The following MAGI2 variants were observed in gnomAD, a reference collection of about 807,000 sequenced individuals.
MAGI2 encodes the protein membrane associated guanylate kinase, WW and PDZ domain containing 2.
In MAGI2, 35 loss-of-function variants were observed where a neutral mutation model predicts 133.3. The observed-to-expected ratio is 0.26, with a 90% CI of 0.20 to 0.35. The LOEUF (loss-of-function observed/expected upper bound fraction) is 0.35. Among genes scored for constraint, MAGI2 ranks in the 10% least tolerant of loss-of-function variants. The pLI, the probability that MAGI2 is intolerant of heterozygous loss-of-function variation, is 1.00. For missense variants in MAGI2, 1,636 were observed against 1,863.4 expected (o/e 0.88, Z 2.25); for synonymous variants, 729 against 710.6 (o/e 1.03, Z -0.41).
chr7:79,045,131 C>T (rs941379438), intron 1 of MAGI2, among the ~76,000 whole-genome samples: 1 of 152,086 alleles, frequency 6.6e-6, no homozygotes, highest in African/African-American at 2.4e-5. Flanking sequence ...AAACTATACT[C>T]AAGAAGTATC....
chr7:78,847,400 G>C (rs996634436), intron 2 of MAGI2, among the ~76,000 whole-genome samples: 8 of 151,970 alleles, frequency 5.3e-5, no homozygotes, highest in African/African-American at 1.9e-4. Flanking sequence ...AGAAGAGGAA[G>C]AGACTATTAG....
At chr7:79,194,324 C>A (rs748703978) in intron 1 of MAGI2, among the ~76,000 whole-genome samples, 3 of 151,880 alleles carry the variant, frequency 2.0e-5, no homozygotes, top group Non-Finnish European at 2.9e-5. Context: ...GCCTAGTGTT[C>A]TACTAGAAAA....
intron 1 of MAGI2, among the ~76,000 whole-genome samples, chr7:79,085,471 C>A (rs977357238): frequency 7.9e-5 from 12 of 151,708 alleles, no homozygotes; most frequent in Non-Finnish European, 1.8e-4. Context: ...TCTAGTAAGT[C>A]CAATATCTGT....
At chr7:78,527,006 C>CAAAA (rs55707442) in intron 3 of MAGI2, among the ~76,000 whole-genome samples, 5 of 45,414 alleles carry the variant, frequency 1.1e-4, no homozygotes, top group Non-Finnish European at 1.8e-4. Context: ...GACTCCATCT[C>CAAAA]AAAAAAAAAA....
intron 1 of MAGI2, among the ~76,000 whole-genome samples, chr7:79,167,005 A>G (rs1195980552): frequency 2.6e-5 from 4 of 151,936 alleles, no homozygotes; most frequent in Non-Finnish European, 5.9e-5. Context: ...ACTCCTCAGG[A>G]GTCTGTGTAT....
At chr7:78,774,394 C>T (rs936396247) in intron 2 of MAGI2, among the ~76,000 whole-genome samples, 14 of 152,118 alleles carry the variant, frequency 9.2e-5, no homozygotes, top group African/African-American at 2.9e-4. Flanking sequence ...AACACAGTAA[C>T]GCTGTACGAA....
chr7:78,693,582 A>G (rs1318067451), intron 2 of MAGI2, among the ~76,000 whole-genome samples: 2 of 152,208 alleles, frequency 1.3e-5, no homozygotes, highest in African/African-American at 4.8e-5. Context: ...CTTGCTAAAT[A>G]CAAATGTTCA....
At chr7:78,468,012 A>T (rs2151530727) in intron 6 of MAGI2, among the ~76,000 whole-genome samples, 1 of 152,016 alleles carries the variant, frequency 6.6e-6, no homozygotes, top group South Asian at 2.1e-4. Context: ...TGGAGGGAAA[A>T]GTTTTCACTG....
At chr7:78,447,083 T>C (rs1277249252) in intron 6 of MAGI2, among the ~76,000 whole-genome samples, 3 of 152,088 alleles carry the variant, frequency 2.0e-5, no homozygotes, top group Non-Finnish European at 4.4e-5. Flanking sequence ...AGACTATCTG[T>C]ATATTCAAAT....
intron 6 of MAGI2, among the ~76,000 whole-genome samples, chr7:78,432,684 T>C (rs1175619160): frequency 1.3e-5 from 2 of 152,082 alleles, no homozygotes; most frequent in African/African-American, 4.8e-5. Context: ...AGAAACAATC[T>C]ACCAGATTTA....
intron 1 of MAGI2, among the ~76,000 whole-genome samples, chr7:79,210,001 C>T (rs12535987): frequency 0.59 from 88,837 of 151,802 alleles, 31,303 homozygotes; most frequent in Non-Finnish European, 0.78. Context: ...TATTGATAAA[C>T]AAAATGAAAG....
Position 79,380,149 on chromosome 7 carries a change from G to A in MAGI2, c.301+72871C>T, listed in dbSNP as rs190606797. Among the ~76,000 whole-genome samples, 580 of 151,828 alleles carry A rather than the reference G, an allele frequency of 3.8e-3. 1 individual carries two copies. Among genetic ancestry groups the A allele is most frequent in the East Asian group, 0.013 (66 of 5,148 alleles). On this transcript the variant is annotated intron_variant, in intron 1 of 21. Transcript: ENST00000354212. ...AACAAAAGCCAGAATTGACAAATGG[G>A]ATCTAATTAAACTAAAGAGCTTCTG... is the stretch of plus-strand genomic sequence containing the variant.
At chr7:78,941,632 G>A (rs185555423) in intron 2 of MAGI2, among the ~76,000 whole-genome samples, 17 of 151,840 alleles carry the variant, frequency 1.1e-4, no homozygotes, top group African/African-American at 2.9e-4. Context: ...CACTCTGCCC[G>A]GCTGATAATT....
chr7:79,420,578 A>C (rs1218064412), intron 1 of MAGI2, among the ~76,000 whole-genome samples: 1 of 152,002 alleles, frequency 6.6e-6, no homozygotes, highest in African/African-American at 2.4e-5. Flanking sequence ...GCAATTAAAC[A>C]TGTGGTTTCT....
At chr7:79,133,099 G>T (rs1821085596) in intron 1 of MAGI2, among the ~76,000 whole-genome samples, 1 of 152,056 alleles carries the variant, frequency 6.6e-6, no homozygotes, top group Non-Finnish European at 1.5e-5. Flanking sequence ...TCTGTGGGTT[G>T]TCTGTTTACT....
At chr7:79,084,217 T>A (rs1391533123) in intron 1 of MAGI2, among the ~76,000 whole-genome samples, 1 of 151,742 alleles carries the variant, frequency 6.6e-6, no homozygotes, top group Admixed American at 6.6e-5. Context: ...TGTTCCTTTT[T>A]CTAGTTTTAT....
chr7:79,386,142 T>C (rs1406819644), intron 1 of MAGI2, among the ~76,000 whole-genome samples: 1 of 151,954 alleles, frequency 6.6e-6, no homozygotes, highest in Non-Finnish European at 1.5e-5. Context: ...CTCTGGGATC[T>C]GAACACCATT....
chr7:78,872,799 A>G (rs1315727338), intron 2 of MAGI2, among the ~76,000 whole-genome samples: 1 of 152,120 alleles, frequency 6.6e-6, no homozygotes. Context: ...TTAACATAAG[A>G]GAAGTATCTA....
chr7:79,409,085 T>C (rs1276286403), intron 1 of MAGI2, among the ~76,000 whole-genome samples: 1 of 152,130 alleles, frequency 6.6e-6, no homozygotes, highest in Non-Finnish European at 1.5e-5. Context: ...CAAGTTTTAG[T>C]GTAGCTTATA....
Sources: allele counts gnomAD v4.1 joint callset (sites outside exome capture counted in the v4.1 genomes callset), GRCh38; gene constraint gnomAD v4.1.1; transcripts MANE v1.5; gene names NCBI Gene and HGNC (gene_info 2026-07-23, HGNC 2026-07-21).